Variants in DISC1 observed in about 807,000 individuals in gnomAD.
The protein encoded by DISC1 is DISC1 scaffold protein, also known as disrupted in schizophrenia 1 protein.
Under a neutral mutation model 84.5 loss-of-function variants are expected in DISC1, and 57 were observed. The ratio of observed to expected loss-of-function variants is 0.67; its 90% CI spans 0.55 to 0.84. The LOEUF is 0.84. Among genes scored for constraint, DISC1 ranks in the 40% least tolerant of loss-of-function variants. The pLI, the probability that DISC1 is intolerant of heterozygous loss-of-function variation, is 0.00. For synonymous variants in DISC1, 411 were observed against 415.2 expected (o/e 0.99, Z 0.12); for missense variants, 1,000 against 1,057.8 (o/e 0.95, Z 0.76).
At chr1:231,651,571 T>G (rs2060625137) in intron 1 of DISC1, among the ~76,000 whole-genome samples, 1 of 152,234 alleles carries the variant, frequency 6.6e-6, no homozygotes, top group Non-Finnish European at 1.5e-5. Flanking sequence ...GCAGTCTGTC[T>G]GTTCTCATAG....
At chr1:231,742,000 G>T (rs1201130443) in intron 3 of DISC1, among the ~76,000 whole-genome samples, 2 of 152,122 alleles carry the variant, frequency 1.3e-5, no homozygotes, top group Non-Finnish European at 2.9e-5. Flanking sequence ...TTAAACATGA[G>T]CTAGATCATG....
At chr1:231,741,072 G>C (rs1165968506) in intron 3 of DISC1, among the ~76,000 whole-genome samples, 1 of 152,208 alleles carries the variant, frequency 6.6e-6, no homozygotes, top group African/African-American at 2.4e-5. Context: ...CGCTCTGTTG[G>C]TGATGTGTGG....
chr1:231,857,945 T>C (rs747639110), intron 9 of DISC1, among the ~76,000 whole-genome samples: 5 of 152,206 alleles, frequency 3.3e-5, no homozygotes, highest in African/African-American at 4.8e-5. Flanking sequence ...CTGAAGGCAC[T>C]GGAGCATAGG....
At chr1:231,853,164 G>T (rs2084017129) in intron 9 of DISC1, among the ~76,000 whole-genome samples, 1 of 152,130 alleles carries the variant, frequency 6.6e-6, no homozygotes. Context: ...TCTTTCTGGA[G>T]GTATTTAGAC....
intron 6 of DISC1, among the ~76,000 whole-genome samples, chr1:231,777,863 C>T (rs763956015): frequency 4.6e-5 from 7 of 152,192 alleles, no homozygotes; most frequent in Non-Finnish European, 7.3e-5. Context: ...GCCCATTTTG[C>T]AGATGAGGCT....
chr1:231,944,147 C>G (rs926840926), intron 9 of DISC1, among the ~76,000 whole-genome samples: 7 of 152,170 alleles, frequency 4.6e-5, no homozygotes, highest in African/African-American at 1.7e-4. Flanking sequence ...AACCCAGCCT[C>G]CAGCTCTATT....
intron 9 of DISC1, among the ~76,000 whole-genome samples, chr1:231,868,366 A>T (rs2085206011): frequency 6.6e-6 from 1 of 151,586 alleles, no homozygotes; most frequent in South Asian, 2.1e-4. Flanking sequence ...TTCCTTCTCA[A>T]GGGTTTGCCG....
At chr1:231,881,522 C>G (rs2086288805) in intron 9 of DISC1, among the ~76,000 whole-genome samples, 1 of 152,110 alleles carries the variant, frequency 6.6e-6, no homozygotes, top group Non-Finnish European at 1.5e-5. Context: ...TGTTTGAACT[C>G]TGATTACCTC....
At chr1:231,947,789 T>C (rs568185565) in intron 9 of DISC1, among the ~76,000 whole-genome samples, 1 of 152,210 alleles carries the variant, frequency 6.6e-6, no homozygotes, top group East Asian at 1.9e-4. Flanking sequence ...CATCAAAAAG[T>C]GGGCAAAGGA....
intron 9 of DISC1, among the ~76,000 whole-genome samples, chr1:231,840,457 A>C (rs1223681533): frequency 6.6e-6 from 1 of 152,216 alleles, no homozygotes; most frequent in East Asian, 1.9e-4. Context: ...CACATAGTGG[A>C]ACACGACTCA....
intron 9 of DISC1, among the ~76,000 whole-genome samples, chr1:231,938,101 C>G (rs1042305738): frequency 1.3e-5 from 2 of 152,032 alleles, no homozygotes; most frequent in African/African-American, 4.8e-5. Flanking sequence ...CCTCCACATG[C>G]CTGATGTGGT....
At chr1:231,743,278 A>G (rs914039351) in intron 3 of DISC1, among the ~76,000 whole-genome samples, 3 of 152,346 alleles carry the variant, frequency 2.0e-5, no homozygotes, top group Admixed American at 6.5e-5. Context: ...TGCATAGATT[A>G]TCTCAGTTAA....
intron 3 of DISC1, chr1:231,702,417 C>T: frequency 1.0e-6 from 1 of 995,286 alleles, no homozygotes; most frequent in Non-Finnish European, 1.2e-6. Context: ...GACATGGTAT[C>T]TGCCCTTGTG....
chr1:231,762,766 C>T (rs1396167149), intron 4 of DISC1, among the ~76,000 whole-genome samples: 1 of 152,078 alleles, frequency 6.6e-6, no homozygotes, highest in Non-Finnish European at 1.5e-5. Flanking sequence ...TGGAGGCGTT[C>T]TGTCTCCATC....
At chr1:231,825,420 T>C (rs2081793828) in intron 9 of DISC1, among the ~76,000 whole-genome samples, 1 of 152,208 alleles carries the variant, frequency 6.6e-6, no homozygotes, top group African/African-American at 2.4e-5. Flanking sequence ...CAGTGCGTAT[T>C]AGAGTCTCTT....
intron 9 of DISC1, among the ~76,000 whole-genome samples, chr1:231,926,429 T>C (rs2090362270): frequency 6.6e-6 from 1 of 152,224 alleles, no homozygotes; most frequent in African/African-American, 2.4e-5. Context: ...ACGTCAGTTA[T>C]GGCAGGAACA....
At chr1:231,726,785 G>T (rs1013023529) in intron 3 of DISC1, among the ~76,000 whole-genome samples, 1 of 152,146 alleles carries the variant, frequency 6.6e-6, no homozygotes, top group Admixed American at 6.5e-5. Context: ...TCAGGAAGTG[G>T]TTTTAGAATA....
intron 10 of DISC1, among the ~76,000 whole-genome samples, chr1:232,000,932 T>C (rs1754608): frequency 0.29 from 43,823 of 151,934 alleles, 6,594 homozygotes; most frequent in African/African-American, 0.34. Flanking sequence ...ATTAGCTAGA[T>C]GAAATTCTCT....
intron 9 of DISC1, among the ~76,000 whole-genome samples, chr1:231,918,841 G>A (rs944308313): frequency 2.3e-4 from 35 of 152,162 alleles, no homozygotes; most frequent in African/African-American, 8.0e-4. Context: ...GGAAGGCTTC[G>A]TGCACCAGCG....
Sources: gnomAD v4.1 joint callset for allele counts (sites outside exome capture counted in the v4.1 genomes callset) on GRCh38, gnomAD v4.1.1 for gene constraint, MANE v1.5 for transcripts, NCBI Gene and HGNC (gene_info 2026-07-23, HGNC 2026-07-21) for gene names.